SIK2: variants seen among roughly 807,000 people sequenced by gnomAD.
SIK2 encodes the protein salt inducible kinase 2, also known as serine/threonine-protein kinase SIK2.
A neutral mutation model predicts 103.2 loss-of-function variants in SIK2; 29 were observed. The observed-to-expected ratio is 0.28, with a 90% CI of 0.21 to 0.38. The LOEUF is 0.38. SIK2 is among the 10% of genes least tolerant of loss of function. The pLI is 1.00. For missense variants in SIK2, 879 were observed against 1,171.0 expected (o/e 0.75, Z 3.64); for synonymous variants, 412 against 446.1 (o/e 0.92, Z 0.96).
chr11:111,658,212 G>A (rs1209914212), intron 3 of SIK2, among the ~76,000 whole-genome samples: 18 of 151,470 alleles, frequency 1.2e-4, no homozygotes, highest in Admixed American at 5.9e-4. Flanking sequence ...TGCAACCTCC[G>A]CCTCCTGGGT....
At chr11:111,636,807 G>T (rs550286812) in intron 3 of SIK2, among the ~76,000 whole-genome samples, 1 of 152,178 alleles carries the variant, frequency 6.6e-6, no homozygotes, top group Non-Finnish European at 1.5e-5. Context: ...TGAGGATATT[G>T]TTCCATTGTC....
chr11:111,666,447 C>T (rs1365835733), intron 3 of SIK2, among the ~76,000 whole-genome samples: 2 of 152,066 alleles, frequency 1.3e-5, no homozygotes, highest in Admixed American at 6.6e-5. Flanking sequence ...AAAAAAGATA[C>T]TGTATGTTAT....
intron 9 of SIK2, among the ~76,000 whole-genome samples, chr11:111,719,406 AAC>A (rs1806759530): frequency 6.7e-6 from 1 of 150,084 alleles, no homozygotes; most frequent in Non-Finnish European, 1.5e-5. Context: ...AAAAAAAAAA[AAC>A]AACTCATCTT....
At chr11:111,658,673 C>G (rs768219832) in intron 3 of SIK2, among the ~76,000 whole-genome samples, 3 of 151,704 alleles carry the variant, frequency 2.0e-5, no homozygotes, top group Non-Finnish European at 2.9e-5. Flanking sequence ...GCCCGGTGAT[C>G]AAGGATGCAG....
rs529719646 is a variant in SIK2, at chr11:111,714,588, T to C, written c.1266+2213T>C. On this transcript the variant is annotated intron_variant, in intron 9 of 14. Coordinates refer to ENST00000304987, the MANE Select transcript of SIK2 (RefSeq NM_015191.3). The stretch of plus-strand genomic sequence containing the variant: ...GCAGATAGAGATGGTGCAGATAAAA[T>C]TGATAGACTATTAAGGTCTAGGGAG... Among the ~76,000 whole-genome samples, 15 of 152,212 alleles carry C rather than the reference T, an allele frequency of 9.9e-5. No homozygotes were observed. In the Middle Eastern group the frequency reaches 0.01, roughly 104 times the overall value.
chr11:111,657,843 A>G (rs990981354), intron 3 of SIK2, among the ~76,000 whole-genome samples: 214 of 152,254 alleles, frequency 1.4e-3, no homozygotes, highest in Non-Finnish European at 2.2e-3. Flanking sequence ...GGTTGGCTAG[A>G]GCAAATGGAA....
intron 8 of SIK2, among the ~76,000 whole-genome samples, chr11:111,706,775 C>T (rs1471252373): frequency 6.6e-6 from 1 of 151,926 alleles, no homozygotes; most frequent in Non-Finnish European, 1.5e-5. Flanking sequence ...TCCTGGCCAA[C>T]ATGGTGAAAC....
intron 3 of SIK2, among the ~76,000 whole-genome samples, chr11:111,630,563 A>G (rs1204904841): frequency 2.0e-5 from 3 of 152,214 alleles, no homozygotes; most frequent in Admixed American, 6.5e-5. Context: ...GAAGTGATCA[A>G]TGAAGCTGTA....
At chr11:111,715,735 C>T (rs1344597871) in intron 9 of SIK2, among the ~76,000 whole-genome samples, 3 of 143,958 alleles carry the variant, frequency 2.1e-5, no homozygotes, top group African/African-American at 7.8e-5. Context: ...TCAAGTATCT[C>T]TTTTTAATAA....
intron 3 of SIK2, chr11:111,683,361 T>G (rs922891832): frequency 1.3e-5 from 2 of 152,246 alleles, no homozygotes; most frequent in African/African-American, 4.8e-5. Flanking sequence ...AATACACACA[T>G]AAGCAGTTAG....
At chr11:111,721,565 C>T (rs1235921248) in intron 12 of SIK2, among the ~76,000 whole-genome samples, 2 of 152,086 alleles carry the variant, frequency 1.3e-5, no homozygotes. Flanking sequence ...AGTTCGAGGC[C>T]CACATGAAGG....
At chr11:111,711,911 G>C (rs1458768096) in intron 8 of SIK2, among the ~76,000 whole-genome samples, 1 of 152,208 alleles carries the variant, frequency 6.6e-6, no homozygotes, top group East Asian at 1.9e-4. Flanking sequence ...AATTGAACGA[G>C]GAACATTCTT....
chr11:111,714,452 A>G (rs891071771), intron 9 of SIK2, among the ~76,000 whole-genome samples: 1 of 152,226 alleles, frequency 6.6e-6, no homozygotes, highest in Non-Finnish European at 1.5e-5. Context: ...TCAGAAAGTT[A>G]GCCTGCATAT....
intron 2 of SIK2, among the ~76,000 whole-genome samples, chr11:111,617,361 G>A (rs1941821372): frequency 6.6e-6 from 1 of 152,140 alleles, no homozygotes; most frequent in Non-Finnish European, 1.5e-5. Flanking sequence ...TTAACATGTA[G>A]AATTTTTCTG....
At chr11:111,606,109 T>G (rs1181658562) in intron 1 of SIK2, among the ~76,000 whole-genome samples, 1 of 152,202 alleles carries the variant, frequency 6.6e-6, no homozygotes, top group Non-Finnish European at 1.5e-5. Context: ...GAGTAGTTTA[T>G]TTTATCAATA....
At chr11:111,644,873 T>G (rs1038329673) in intron 3 of SIK2, among the ~76,000 whole-genome samples, 3 of 152,238 alleles carry the variant, frequency 2.0e-5, no homozygotes, top group Non-Finnish European at 4.4e-5. Flanking sequence ...GTCCTTCTGC[T>G]AAACTCCTGG....
At position 111,665,856 on chromosome 11, in the gene SIK2, G is replaced by GA. The variant is rs199536552; in HGVS notation, c.317-22134dup. ...AAAGAAAAAAAGAAAGAAAGAAAAAGAAAAAAAAAAAGAAAAGAAATATTG... is the reference window on the plus strand; with the variant it reads ...AAAGAAAAAAAGAAAGAAAGAAAAAGAAAAAAAAAAAAGAAAAGAAATATTG... On this transcript the variant is annotated intron_variant, in intron 3 of 14. Transcript: ENST00000304987. Among the ~76,000 whole-genome samples, 207 of 142,070 alleles carry GA rather than the reference G, an allele frequency of 1.5e-3. 1 individual carries two copies. The highest frequency in any genetic ancestry group is 7.7e-3 in the East Asian group (38 of 4,922). 93.2% of individuals were successfully genotyped at this position (142,070 alleles called of 152,430 possible). A position where few individuals can be genotyped will look rare whatever the true frequency, so the allele number is the denominator to read the frequency against.
At chr11:111,687,615 C>CTT (rs202007530) in intron 3 of SIK2, among the ~76,000 whole-genome samples, 1 of 98,896 alleles carries the variant, frequency 1.0e-5, no homozygotes, top group Non-Finnish European at 2.0e-5. Flanking sequence ...AAAAAAAAAA[C>CTT]TTTTTTTTTT....
Position 111,701,093 on chromosome 11 carries a change from A to G in SIK2, c.603+83A>G. ...CTGGCCCATCTTAGAAGCTCCTGGT[A>G]CTTAACACATAAGCAGTATTTCATA... On this transcript the variant is annotated intron_variant, in intron 5 of 14. Coordinates refer to ENST00000304987, the MANE Select transcript of SIK2 (RefSeq NM_015191.3). This position sits in a 1 kb window ranked among gnomAD's most constrained non-coding sequence, Gnocchi z 4.2. The G allele has an allele frequency of 1.3e-6, 2 of 1,513,458 alleles. No individual in the cohort carries two copies. The highest frequency in any genetic ancestry group is 1.3e-5 in the South Asian group (1 of 78,850). The allele number at this position is 1,513,458 out of a possible 1,614,324, so 93.8% of individuals were successfully genotyped here.
Sources: allele counts gnomAD v4.1 joint callset (sites outside exome capture counted in the v4.1 genomes callset), GRCh38; gene constraint gnomAD v4.1.1; non-coding constraint Gnocchi (gnomAD v3.1); transcripts MANE v1.5; gene names NCBI Gene and HGNC (gene_info 2026-07-23, HGNC 2026-07-21).